NFIA: variants seen among roughly 807,000 people sequenced by gnomAD.
The protein encoded by NFIA is nuclear factor 1 A-type.
Under a neutral mutation model 62.8 loss-of-function variants are expected in NFIA, and 8 were observed. The ratio of observed to expected loss-of-function variants is 0.13; its 90% CI spans 0.07 to 0.23. The LOEUF is 0.23. Ranked by LOEUF, NFIA falls within the 10% of genes least tolerant of loss-of-function variation. NFIA has a pLI of 1.00. For synonymous variants in NFIA, 235 were observed against 238.1 expected (o/e 0.99, Z 0.12); for missense variants, 410 against 642.1 (o/e 0.64, Z 3.91).
intron 9 of NFIA, among the ~76,000 whole-genome samples, chr1:61,420,871 T>C (rs550342149): frequency 6.6e-6 from 1 of 152,244 alleles, no homozygotes; most frequent in Non-Finnish European, 1.5e-5. Flanking sequence ...TAAAATAAAT[T>C]CAACAGGCTT....
At chr1:61,200,784 A>G (rs1652427965) in intron 2 of NFIA, among the ~76,000 whole-genome samples, 1 of 152,022 alleles carries the variant, frequency 6.6e-6, no homozygotes, top group Non-Finnish European at 1.5e-5. Flanking sequence ...AAACCAAAAA[A>G]CCTCCAGAAA....
At chr1:61,434,595 A>G (rs896337123) in intron 10 of NFIA, among the ~76,000 whole-genome samples, 1 of 152,184 alleles carries the variant, frequency 6.6e-6, no homozygotes. Context: ...TTAATTCTAG[A>G]TACTGGTCAC....
In NFIA at chr1:61,177,653, T is replaced by TTGTGTGTGTGTGTGTG. The variant is rs56299869; in HGVS notation, c.559+88991_559+89006dup. Among the ~76,000 whole-genome samples, 504 of 146,148 alleles carry TTGTGTGTGTGTGTGTG rather than the reference T, an allele frequency of 3.4e-3. 4 individuals are homozygous for TTGTGTGTGTGTGTGTG. The highest frequency in any genetic ancestry group is 6.0e-3 in the East Asian group (30 of 4,960). On this transcript the variant is annotated intron_variant, in intron 2 of 10. Transcript: ENST00000403491. ...GTTTATAGTAAGAATGTTTTCTCTA[T>TTGTGTGTGTGTGTGTG]TGTGTGTGTGTGTGTGTGTGTGTGT...
intron 2 of NFIA, among the ~76,000 whole-genome samples, chr1:61,119,268 C>T (rs1646848120): frequency 6.6e-6 from 1 of 152,168 alleles, no homozygotes; most frequent in Non-Finnish European, 1.5e-5. Context: ...CTAGTAAACT[C>T]TCTCGTCTCT....
intron 10 of NFIA, among the ~76,000 whole-genome samples, chr1:61,445,286 T>C (rs112855552): frequency 0.019 from 2,860 of 152,278 alleles, 37 homozygotes; most frequent in Non-Finnish European, 0.031. Flanking sequence ...CTGTCAATGC[T>C]ATAGGATCTT....
intron 9 of NFIA, among the ~76,000 whole-genome samples, chr1:61,421,980 G>A (rs1666641015): frequency 6.6e-6 from 1 of 152,186 alleles, no homozygotes; most frequent in African/African-American, 2.4e-5. Context: ...AACATCAACT[G>A]GCTGAGTGTG....
rs187838556 is a variant in NFIA, at chr1:61,315,024, A to T, written c.626-17488A>T. 7.7e-4 allele frequency among the ~76,000 whole-genome samples: 116 copies of T among 151,590 alleles called. No homozygotes were observed. The East Asian group carries it at 0.016, about 20-fold the overall frequency. On this transcript the variant is annotated intron_variant, in intron 3 of 10. Transcript: ENST00000403491. ...TGTAGAGAAACATTTTAGGTTTATA[A>T]TTAAAGCACCTGAAACAAAAAAAAA...
chr1:61,139,617 G>A (rs1647347680), intron 2 of NFIA, among the ~76,000 whole-genome samples: 1 of 152,010 alleles, frequency 6.6e-6, no homozygotes, highest in Non-Finnish European at 1.5e-5. Context: ...CTCTTGTCTC[G>A]ATTCTGAGTC....
At chr1:61,154,845 G>A (rs1648679996) in intron 2 of NFIA, among the ~76,000 whole-genome samples, 1 of 152,240 alleles carries the variant, frequency 6.6e-6, no homozygotes, top group Non-Finnish European at 1.5e-5. Flanking sequence ...ACCTATGACT[G>A]TTAAAGCAGT....
chr1:61,126,276 C>A (rs1287397747), intron 2 of NFIA, among the ~76,000 whole-genome samples: 1 of 152,138 alleles, frequency 6.6e-6, no homozygotes, highest in Admixed American at 6.6e-5. Context: ...TTTTATTTAA[C>A]TGAAATCTGC....
chr1:61,132,903 T>C (rs2100492291), intron 2 of NFIA: 1 of 152,298 alleles, frequency 6.6e-6, no homozygotes, highest in East Asian at 1.9e-4. Flanking sequence ...TTCCTGTCGA[T>C]CTTTCATTCA....
chr1:61,396,715 G>A (rs574937788), intron 7 of NFIA, among the ~76,000 whole-genome samples: 6 of 152,084 alleles, frequency 3.9e-5, no homozygotes, highest in Non-Finnish European at 8.8e-5. Context: ...AAACGTGCCT[G>A]GGGGCCAGGC....
At chr1:61,227,556 G>A (rs892879487) in intron 2 of NFIA, among the ~76,000 whole-genome samples, 1 of 152,166 alleles carries the variant, frequency 6.6e-6, no homozygotes, top group Non-Finnish European at 1.5e-5. Context: ...TGGCTCCCAA[G>A]AAACTCAGAG....
chr1:61,284,234 A>G (rs1658339755), intron 3 of NFIA, among the ~76,000 whole-genome samples: 1 of 152,210 alleles, frequency 6.6e-6, no homozygotes. Flanking sequence ...CCAGATCTGT[A>G]TAATTAAATT....
intron 7 of NFIA, among the ~76,000 whole-genome samples, chr1:61,395,248 G>A (rs1489038263): frequency 6.6e-6 from 1 of 150,704 alleles, no homozygotes; most frequent in African/African-American, 2.4e-5. Flanking sequence ...TTTGTTATGA[G>A]ATTTGCTTTT....
At chr1:61,115,685 T>C (rs1646782226) in intron 2 of NFIA, among the ~76,000 whole-genome samples, 1 of 152,220 alleles carries the variant, frequency 6.6e-6, no homozygotes, top group East Asian at 1.9e-4. Flanking sequence ...GCACCCGTGC[T>C]TTACCTCGTG....
intron 4 of NFIA, among the ~76,000 whole-genome samples, chr1:61,334,039 C>T (rs1311701025): frequency 2.6e-5 from 4 of 152,080 alleles, no homozygotes; most frequent in African/African-American, 7.2e-5. Flanking sequence ...GCGGATAAAT[C>T]GTTAAGCTAA....
chr1:61,436,887 C>T (rs938184139), intron 10 of NFIA, among the ~76,000 whole-genome samples: 2 of 152,210 alleles, frequency 1.3e-5, no homozygotes, highest in African/African-American at 2.4e-5. Flanking sequence ...ACTTTCCAAA[C>T]GCTTTACACA....
At chr1:61,143,089 C>T (rs181674528) in intron 2 of NFIA, among the ~76,000 whole-genome samples, 1 of 152,240 alleles carries the variant, frequency 6.6e-6, no homozygotes, top group East Asian at 1.9e-4. Flanking sequence ...CTCTTTTGGG[C>T]TTTTCCTCAA....
Sources: gnomAD v4.1 joint callset for allele counts (sites outside exome capture counted in the v4.1 genomes callset) on GRCh38, gnomAD v4.1.1 for gene constraint, MANE v1.5 for transcripts, NCBI Gene and HGNC (gene_info 2026-07-23, HGNC 2026-07-21) for gene names.